NELL1: variants seen among roughly 807,000 people sequenced by gnomAD.
NELL1 encodes protein kinase C-binding protein NELL1.
A neutral mutation model predicts 107.4 loss-of-function variants in NELL1; 76 were observed. The observed-to-expected ratio is 0.71, with a 90% CI of 0.59 to 0.86. The LOEUF (loss-of-function observed/expected upper bound fraction) is 0.86. NELL1 is among the 40% of genes least tolerant of loss of function. NELL1 has a pLI of 0.00. For synonymous variants in NELL1, 353 were observed against 341.2 expected, an observed-to-expected ratio of 1.03 and a Z score of -0.38; for missense variants, 1,024 against 1,005.5, an observed-to-expected ratio of 1.02 and a Z score of -0.25.
At chr11:21,225,739 TTAGTAGTAG>T in intron 13 of NELL1, among the ~76,000 whole-genome samples, 2 of 152,202 alleles carry the variant, frequency 1.3e-5, no homozygotes, top group Admixed American at 1.3e-4. Flanking sequence ...ATTAGTAGAA[TTAGTAGTAG>T]TAGTAGTAAT....
chr11:21,163,170 T>C (rs562639508), intron 13 of NELL1, among the ~76,000 whole-genome samples: 1 of 152,056 alleles, frequency 6.6e-6, no homozygotes, highest in Admixed American at 6.5e-5. Context: ...TCAAGTAAAT[T>C]GGTGTCAGAG....
chr11:20,974,796 C>G (rs779105651), intron 12 of NELL1, among the ~76,000 whole-genome samples: 1 of 152,090 alleles, frequency 6.6e-6, no homozygotes, highest in Non-Finnish European at 1.5e-5. Flanking sequence ...GGGGTATAGA[C>G]AGTCAAAGGG....
intron 12 of NELL1, among the ~76,000 whole-genome samples, chr11:20,991,154 G>A (rs933103611): frequency 2.0e-5 from 3 of 152,222 alleles, no homozygotes; most frequent in Non-Finnish European, 2.9e-5. Context: ...GGGGAGCAAA[G>A]TCTTGCCTAC....
chr11:20,887,706 A>G (rs1849538499), intron 5 of NELL1, among the ~76,000 whole-genome samples: 1 of 152,206 alleles, frequency 6.6e-6, no homozygotes, highest in Non-Finnish European at 1.5e-5. Context: ...TGCAGACTTG[A>G]CACCCAGATT....
chr11:20,691,166 G>T (rs1854455228), intron 2 of NELL1, among the ~76,000 whole-genome samples: 2 of 152,100 alleles, frequency 1.3e-5, no homozygotes, highest in African/African-American at 2.4e-5. Flanking sequence ...TTGCTTATCA[G>T]CTTAAGGAGA....
At chr11:20,829,993 G>A (rs764465345) in intron 3 of NELL1, among the ~76,000 whole-genome samples, 1 of 152,086 alleles carries the variant, frequency 6.6e-6, no homozygotes, top group Non-Finnish European at 1.5e-5. Flanking sequence ...AAGGATTTTG[G>A]CTGGGCGCAG....
chr11:20,814,472 C>T (rs1002187305), intron 3 of NELL1, among the ~76,000 whole-genome samples: 3 of 152,186 alleles, frequency 2.0e-5, no homozygotes, highest in Non-Finnish European at 4.4e-5. Context: ...TAAATAGTCC[C>T]CACTATCTAT....
intron 13 of NELL1, among the ~76,000 whole-genome samples, chr11:21,156,989 C>G (rs1254775697): frequency 6.6e-6 from 1 of 151,458 alleles, no homozygotes; most frequent in African/African-American, 2.4e-5. Flanking sequence ...GTAATCTCAG[C>G]TACTTGGGAG....
intron 3 of NELL1, among the ~76,000 whole-genome samples, chr11:20,810,018 AG>A (rs1296016874): frequency 6.6e-5 from 10 of 152,136 alleles, no homozygotes; most frequent in African/African-American, 1.9e-4. Flanking sequence ...CATCCTTGCC[AG>A]CACTTGCTAT....
chr11:20,688,318 T>C (rs1462346088), intron 2 of NELL1, among the ~76,000 whole-genome samples: 2 of 152,268 alleles, frequency 1.3e-5, no homozygotes, highest in East Asian at 3.9e-4. Flanking sequence ...TGGTGTATAA[T>C]TGATCTGGTT....
intron 15 of NELL1, among the ~76,000 whole-genome samples, chr11:21,408,146 C>T (rs930620058): frequency 4.6e-5 from 7 of 151,942 alleles, no homozygotes; most frequent in African/African-American, 1.4e-4. Flanking sequence ...GGTACTTGCC[C>T]AGAATGCTTC....
chr11:21,278,054 A>T (rs1565144257), intron 14 of NELL1, among the ~76,000 whole-genome samples: 1 of 152,128 alleles, frequency 6.6e-6, no homozygotes, highest in Non-Finnish European at 1.5e-5. Flanking sequence ...ATAATAAAAA[A>T]AAAAGAAAGA....
At chr11:21,341,609 A>G (rs1032126215) in intron 14 of NELL1, among the ~76,000 whole-genome samples, 1 of 152,206 alleles carries the variant, frequency 6.6e-6, no homozygotes, top group Non-Finnish European at 1.5e-5. Flanking sequence ...TCCAGCTAAG[A>G]GCGCATGGCC....
chr11:21,096,086 G>A (rs1332899971), intron 12 of NELL1, among the ~76,000 whole-genome samples: 1 of 152,166 alleles, frequency 6.6e-6, no homozygotes. Flanking sequence ...TGAGAATTGA[G>A]GATGCAAGTT....
At chr11:20,860,412 G>C (rs1034463613) in intron 4 of NELL1, among the ~76,000 whole-genome samples, 1 of 152,120 alleles carries the variant, frequency 6.6e-6, no homozygotes, top group African/African-American at 2.4e-5. Flanking sequence ...TTCTCTAGGG[G>C]TCTGGATTCC....
chr11:21,533,058 G>T (rs767661259), intron 15 of NELL1, among the ~76,000 whole-genome samples: 4 of 152,096 alleles, frequency 2.6e-5, no homozygotes, highest in Non-Finnish European at 5.9e-5. Flanking sequence ...AGGGACTGAG[G>T]GCATTTAGAA....
In NELL1 at chr11:21,185,942, T is replaced by C. The variant is rs1202195783; in HGVS notation, c.1427-43390T>C. On this transcript the variant is annotated intron_variant, in intron 13 of 19. Transcript: ENST00000357134. ...GGCTATCAGGAGCTCACAGAACTTA[T>C]TGGTAGGATGATGAAACTTGTGTAG... Among the ~76,000 whole-genome samples the C allele has an allele frequency of 7.3e-5, 11 of 151,714 alleles. 1 individual carries two copies. Among genetic ancestry groups the C allele is most frequent in the East Asian group, 3.9e-4 (2 of 5,168 alleles).
intron 16 of NELL1, among the ~76,000 whole-genome samples, chr11:21,549,431 G>A (rs1186379888): frequency 1.3e-5 from 2 of 151,906 alleles, no homozygotes; most frequent in Non-Finnish European, 2.9e-5. Flanking sequence ...GGTTCTTGAG[G>A]AAGATACATG....
intron 13 of NELL1, among the ~76,000 whole-genome samples, chr11:21,210,866 T>TG (rs1244464981): frequency 1.3e-5 from 2 of 152,162 alleles, no homozygotes; most frequent in African/African-American, 2.4e-5. Context: ...GTTACCTTTC[T>TG]GGGGGGTCTT....
Sources: gnomAD v4.1 joint callset for allele counts (sites outside exome capture counted in the v4.1 genomes callset) on GRCh38, gnomAD v4.1.1 for gene constraint, MANE v1.5 for transcripts, NCBI Gene and HGNC (gene_info 2026-07-23, HGNC 2026-07-21) for gene names.